FEZ2: variants seen among roughly 807,000 people sequenced by gnomAD.
The protein encoded by FEZ2 is fasciculation and elongation protein zeta 2.
In FEZ2, 51 loss-of-function variants were observed where a neutral mutation model predicts 40.4. The ratio of observed to expected loss-of-function variants is 1.26; its 90% CI spans 1.01 to 1.59. The LOEUF (loss-of-function observed/expected upper bound fraction) is 1.59. Among genes scored for constraint, FEZ2 ranks in the 40% most tolerant of loss-of-function variants. The pLI, the probability that FEZ2 is intolerant of heterozygous loss-of-function variation, is 0.00. For missense variants in FEZ2, 640 were observed against 438.3 expected (o/e 1.46, Z -4.11); for synonymous variants, 242 against 172.0 (o/e 1.41, Z -3.18).
At chr2:36,577,818 A>C (rs1177738633) in intron 5 of FEZ2, among the ~76,000 whole-genome samples, 1 of 152,250 alleles carries the variant, frequency 6.6e-6, no homozygotes, top group Non-Finnish European at 1.5e-5. Context: ...AAGCCATAAT[A>C]GCTAGTTTGT....
intron 5 of FEZ2, among the ~76,000 whole-genome samples, chr2:36,575,665 T>C (rs1424868345): frequency 1.3e-5 from 2 of 152,238 alleles, no homozygotes; most frequent in African/African-American, 2.4e-5. Context: ...CATATTTTCA[T>C]GGTCTAATGA....
chr2:36,570,309 G>A (rs1284482689), intron 5 of FEZ2, among the ~76,000 whole-genome samples: 2 of 151,812 alleles, frequency 1.3e-5, no homozygotes, highest in East Asian at 3.9e-4. Context: ...TTAAACAACT[G>A]TTATATGAGT....
chr2:36,587,620 T>G (rs1668938978), intron 2 of FEZ2, among the ~76,000 whole-genome samples: 1 of 151,144 alleles, frequency 6.6e-6, no homozygotes, highest in South Asian at 2.1e-4. Flanking sequence ...TTCCTGAATG[T>G]TTTTCTCTTT....
chr2:36,565,600 T>C (rs1668214747), intron 5 of FEZ2, among the ~76,000 whole-genome samples: 1 of 152,108 alleles, frequency 6.6e-6, no homozygotes. Context: ...GACCTCCGGG[T>C]GCAACTCAGC....
intron 5 of FEZ2, among the ~76,000 whole-genome samples, chr2:36,561,138 G>A (rs1185436368): frequency 6.6e-6 from 1 of 152,190 alleles, no homozygotes; most frequent in Non-Finnish European, 1.5e-5. Context: ...TGTAAATGTT[G>A]TAAGTTGTAC....
intron 5 of FEZ2, among the ~76,000 whole-genome samples, chr2:36,576,834 C>CT (rs1558451131): frequency 1.3e-5 from 2 of 152,216 alleles, no homozygotes; most frequent in African/African-American, 4.8e-5. Flanking sequence ...TACTCTAACC[C>CT]TTTTTACATG....
At chr2:36,555,073 G>A (rs763382981) in intron 7 of FEZ2, among the ~76,000 whole-genome samples, 3 of 151,990 alleles carry the variant, frequency 2.0e-5, no homozygotes, top group Non-Finnish European at 2.9e-5. Context: ...TCTTTTCTCG[G>A]CAAAGCAACT....
chr2:36,563,714 T>A (rs1170446982), intron 5 of FEZ2, among the ~76,000 whole-genome samples: 1 of 152,088 alleles, frequency 6.6e-6, no homozygotes, highest in African/African-American at 2.4e-5. Flanking sequence ...ACCTCTTTCC[T>A]TTCCCAAGGT....
At chr2:36,582,352 G>A (rs1367005930) in intron 3 of FEZ2, among the ~76,000 whole-genome samples, 1 of 152,124 alleles carries the variant, frequency 6.6e-6, no homozygotes, top group Admixed American at 6.5e-5. Flanking sequence ...CAAATCTGAA[G>A]GAGATGGGAT....
At position 36,591,067 on chromosome 2, in the gene FEZ2, A is replaced by G. The variant is rs1669059142; in HGVS notation, c.267-56T>C. 3.8e-6 allele frequency: 4 copies of G among 1,055,202 alleles called. No individual in the cohort carries two copies. The South Asian group carries it at 5.2e-5, about 14-fold the overall frequency. The allele number at this position is 1,055,202 out of a possible 1,614,324, so 65.4% of individuals were successfully genotyped here. ...AATTAACATTCTGTATGTCTTTCTT[A>G]AACAAATATTCAGTGAAAGATGAAC... On this transcript the variant is annotated intron_variant, in intron 1 of 7. Transcript: ENST00000405912.
intron 5 of FEZ2, among the ~76,000 whole-genome samples, chr2:36,562,480 A>T (rs902100316): frequency 6.6e-6 from 1 of 152,204 alleles, no homozygotes; most frequent in Non-Finnish European, 1.5e-5. Flanking sequence ...GAGACTGTAC[A>T]AATATGCCTC....
At chr2:36,588,365 C>G (rs934457564) in intron 2 of FEZ2, among the ~76,000 whole-genome samples, 1 of 152,142 alleles carries the variant, frequency 6.6e-6, no homozygotes, top group Non-Finnish European at 1.5e-5. Flanking sequence ...GCATTAAACT[C>G]TACGTCATTA....
intron 5 of FEZ2, among the ~76,000 whole-genome samples, chr2:36,573,860 G>A (rs894554368): frequency 1.3e-5 from 2 of 152,184 alleles, no homozygotes; most frequent in African/African-American, 2.4e-5. Flanking sequence ...TCCTGTTGGC[G>A]GGAGGTGTGG....
At chr2:36,571,054 C>T (rs1668394668) in intron 5 of FEZ2, among the ~76,000 whole-genome samples, 3 of 152,114 alleles carry the variant, frequency 2.0e-5, no homozygotes, top group Admixed American at 2.0e-4. Context: ...AGCCTACCAC[C>T]AAAAACCATT....
intron 6 of FEZ2, chr2:36,556,145 A>G (rs1667955735): frequency 3.4e-5 from 14 of 414,062 alleles, no homozygotes; most frequent in South Asian, 2.7e-4. Context: ...CTGCAGATCA[A>G]GCAAACTAGA....
At chr2:36,563,818 C>A (rs969315510) in intron 5 of FEZ2, among the ~76,000 whole-genome samples, 1 of 152,214 alleles carries the variant, frequency 6.6e-6, no homozygotes, top group Non-Finnish European at 1.5e-5. Context: ...TCCCTCCTCC[C>A]TGAACCGCTT....
chr2:36,586,196 G>A (rs1014281327), intron 2 of FEZ2, among the ~76,000 whole-genome samples: 14 of 152,146 alleles, frequency 9.2e-5, no homozygotes, highest in African/African-American at 3.1e-4. Context: ...CCATGGAGTA[G>A]ACCTACCGAT....
chr2:36,574,972 T>C (rs779408007), intron 5 of FEZ2, among the ~76,000 whole-genome samples: 1 of 152,178 alleles, frequency 6.6e-6, no homozygotes, highest in African/African-American at 2.4e-5. Context: ...CCCTTGTCAA[T>C]GAGGAGAAGC....
intron 2 of FEZ2, among the ~76,000 whole-genome samples, chr2:36,586,562 G>A (rs1246585313): frequency 1.3e-5 from 2 of 151,868 alleles, no homozygotes; most frequent in Admixed American, 1.3e-4. Context: ...AGGAGGTGGA[G>A]GTTGCAGTGA....
Sources: gnomAD v4.1 joint callset for allele counts (sites outside exome capture counted in the v4.1 genomes callset) on GRCh38, gnomAD v4.1.1 for gene constraint, MANE v1.5 for transcripts, NCBI Gene and HGNC (gene_info 2026-07-23, HGNC 2026-07-21) for gene names.